RHOG: variants seen among roughly 807,000 people sequenced by gnomAD.
RHOG encodes ras homolog family member G.
A neutral mutation model predicts 12.3 loss-of-function variants in RHOG; 1 was observed. The ratio of observed to expected loss-of-function variants is 0.08; its 90% confidence interval spans 0.03 to 0.39. The LOEUF is 0.39. Among genes scored for constraint, RHOG ranks in the 10% least tolerant of loss-of-function variants. The pLI, the probability that RHOG is intolerant of heterozygous loss-of-function variation, is 0.99. For missense variants in RHOG, 114 were observed against 266.2 expected (o/e 0.43, Z 3.98); for synonymous variants, 129 against 116.0 (o/e 1.11, Z -0.72).
At chr11:3,833,914 T>A (rs1021095830) in intron 1 of RHOG, among the ~76,000 whole-genome samples, 3 of 152,216 alleles carry the variant, frequency 2.0e-5, no homozygotes, top group African/African-American at 7.2e-5. Flanking sequence ...CACAGTTGCA[T>A]AAGGTTACTG....
intron 1 of RHOG, among the ~76,000 whole-genome samples, chr11:3,836,037 C>T (rs1048875701): frequency 4.2e-5 from 6 of 142,704 alleles, no homozygotes; most frequent in Non-Finnish European, 9.2e-5. Context: ...CCCAAGAGAG[C>T]CCAGTTCCTA....
chr11:3,834,737 C>T lies in RHOG; in HGVS notation c.-69+6157G>A, dbSNP rs368988792. Among the ~76,000 whole-genome samples the T allele has an allele frequency of 8.5e-5, 13 of 152,298 alleles. No individual in the cohort carries two copies. The East Asian group carries it at 2.3e-3, about 27-fold the overall frequency. On this transcript the variant is annotated intron_variant, in intron 1 of 1. Transcript: ENST00000351018. ...AAAGGAAGCAGCCTGATTGCCAGAT[C>T]TCTGTGGCTGTTACAGCAGGGGAAG...
rs546801874 is a variant in RHOG, at chr11:3,832,398, C to T, written c.-68-4192G>A. On this transcript the variant is annotated intron_variant, in intron 1 of 1. Coordinates refer to ENST00000351018, the MANE Select transcript of RHOG (RefSeq NM_001665.4). ...CATACAGTCTTCAAGTTACCCCTTA[C>T]CAGCTAACTGTGTGACCTTGATCAG... Among the ~76,000 whole-genome samples, 17 of 152,332 alleles carry T rather than the reference C, an allele frequency of 1.1e-4. No individual in the cohort carries two copies. In the East Asian group the frequency reaches 3.3e-3, roughly 29 times the overall value.
At chr11:3,828,686 T>C (rs553197386) in intron 1 of RHOG, among the ~76,000 whole-genome samples, 157 of 145,518 alleles carry the variant, frequency 1.1e-3, no homozygotes, top group African/African-American at 3.6e-3. Flanking sequence ...TGCAGTGGCG[T>C]CATCTCGGCT....
chr11:3,835,616 T>C (rs927311601), intron 1 of RHOG, among the ~76,000 whole-genome samples: 8 of 152,148 alleles, frequency 5.3e-5, no homozygotes, highest in Non-Finnish European at 1.2e-4. Flanking sequence ...TCATTCACCC[T>C]GAAGAGCCCA....
At chr11:3,839,597 ACG>A (rs1342702290) in intron 1 of RHOG, among the ~76,000 whole-genome samples, 1 of 114,142 alleles carries the variant, frequency 8.8e-6, no homozygotes, top group Non-Finnish European at 1.9e-5. Context: ...GCGAACACAC[ACG>A]CAAACACACA....
intron 1 of RHOG, among the ~76,000 whole-genome samples, chr11:3,829,404 C>T (rs1333020936): frequency 6.6e-6 from 1 of 151,878 alleles, no homozygotes; most frequent in Non-Finnish European, 1.5e-5. Flanking sequence ...GCAGGTGCCA[C>T]TGCATCCGGC....
At position 3,832,605 on chromosome 11, in the gene RHOG, C is replaced by T. The variant is rs1411837681; in HGVS notation, c.-68-4399G>A. Among the ~76,000 whole-genome samples the T allele has an allele frequency of 9.2e-5, 14 of 152,316 alleles. No individual in the cohort carries two copies. In the East Asian group the frequency reaches 2.1e-3, roughly 23 times the overall value. ...GAGCAAAGCCTTTCATCCCAGAAGG[C>T]AGGAAGCACTGAGTATGCCTGTATC... On this transcript the variant is annotated intron_variant, in intron 1 of 1. Transcript: ENST00000351018.
chr11:3,832,028 G>A (rs902710690), intron 1 of RHOG, among the ~76,000 whole-genome samples: 17 of 152,136 alleles, frequency 1.1e-4, no homozygotes, highest in Admixed American at 7.2e-4. Context: ...AACGAGGACC[G>A]ACACTGGAAA....
intron 1 of RHOG, among the ~76,000 whole-genome samples, chr11:3,835,803 G>A (rs981128698): frequency 6.6e-6 from 1 of 152,188 alleles, no homozygotes; most frequent in Non-Finnish European, 1.5e-5. Flanking sequence ...GCAAGGGACA[G>A]GGGCACTGTT....
intron 1 of RHOG, among the ~76,000 whole-genome samples, chr11:3,829,012 C>G (rs1004787483): frequency 6.6e-6 from 1 of 151,810 alleles, no homozygotes; most frequent in African/African-American, 2.4e-5. Flanking sequence ...AAATATGGAC[C>G]CTTTCCACCA....
At chr11:3,840,084 A>C (rs2090181950) in intron 1 of RHOG, among the ~76,000 whole-genome samples, 1 of 152,222 alleles carries the variant, frequency 6.6e-6, no homozygotes, top group African/African-American at 2.4e-5. Flanking sequence ...GAAGAGGAAC[A>C]CTAGGAGATG....
intron 1 of RHOG, among the ~76,000 whole-genome samples, chr11:3,834,669 T>A (rs1407041027): frequency 6.6e-6 from 1 of 152,170 alleles, no homozygotes; most frequent in Admixed American, 6.5e-5. Context: ...CAGTGGGGCC[T>A]GGCCTTGGGG....
intron 1 of RHOG, among the ~76,000 whole-genome samples, chr11:3,836,198 C>T (rs1182578118): frequency 6.6e-6 from 1 of 151,020 alleles, no homozygotes; most frequent in Non-Finnish European, 1.5e-5. Flanking sequence ...ACTAAAAATA[C>T]AAAAATTAGC....
In RHOG at chr11:3,827,165, C is replaced by T. The variant is rs1181024058; in HGVS notation, c.*398G>A. ...AGAGAGCATCTTGGGGGCGCAATTC[C>T]AAGAGCAGCGAGGGCAGAGGTTAGA... On this transcript the variant is annotated 3_prime_UTR_variant, in exon 2 of 2. Coordinates refer to ENST00000351018, the MANE Select transcript of RHOG (RefSeq NM_001665.4). The surrounding 1 kb of genome is among the most constrained non-coding windows in gnomAD (Gnocchi z 7.3). 4 of 207,452 alleles carry T rather than the reference C, an allele frequency of 1.9e-5. No homozygotes were observed. The highest frequency in any genetic ancestry group is 1.0e-4 in the Admixed American group (2 of 19,152). 12.9% of individuals were successfully genotyped at this position (207,452 alleles called of 1,614,324 possible). A position where few individuals can be genotyped will look rare whatever the true frequency, so the allele number is the denominator to read the frequency against.
chr11:3,827,637 C>A lies in RHOG; in HGVS notation c.502G>T (p.Val168Leu). The change falls in exon 2 of 2, where the codon GTG (valine) becomes TTG (leucine). Residue 168 changes from valine (V) to leucine (L), a missense_variant. Physicochemically the swap from Val to Leu is conservative, Grantham distance 32. Around this residue, in one of 2 missense-constraint regions of RHOG, gnomAD observed 61 missense variants for 101.4 expected, o/e 0.60. Transcript: ENST00000351018. This position sits in a 1 kb window ranked among gnomAD's most constrained non-coding sequence, Gnocchi z 7.3. ...SALQQDGVKEVFAEAVRAVLN... is the reference protein window; with the variant it reads ...SALQQDGVKELFAEAVRAVLN... ...ACAGCCCGGACAGCCTCGGCGAACA[C>A]TTCCTTGACACCATCCTGTTGCAGG... The A allele has an allele frequency of 6.2e-7, 1 of 1,613,764 alleles. No homozygotes were observed. Among genetic ancestry groups the A allele is most frequent in the Non-Finnish European group, 8.5e-7 (1 of 1,180,032 alleles).
intron 1 of RHOG, among the ~76,000 whole-genome samples, chr11:3,840,282 C>A (rs1262271186): frequency 6.6e-6 from 1 of 152,066 alleles, no homozygotes; most frequent in African/African-American, 2.4e-5. Context: ...CAGGTAAGGT[C>A]GGGACTCAGG....
rs1181914726 is a variant in RHOG at position 3,840,940 on chromosome 11, T to C, written c.-115A>G. The C allele has an allele frequency of 6.7e-6, 1 of 149,636 alleles. No homozygotes were observed. Among genetic ancestry groups the C allele is most frequent in the African/African-American group, 2.5e-5 (1 of 40,764 alleles). 9.3% of individuals were successfully genotyped at this position (149,636 alleles called of 1,614,324 possible). ...GGGAGCTGGGGGCGGCGGCAGCGGC[T>C]CCGGGCTCGAGAAGGAAGTGAGAGC... On this transcript the variant is annotated 5_prime_UTR_variant, in exon 1 of 2. Coordinates refer to ENST00000351018, the MANE Select transcript of RHOG (RefSeq NM_001665.4).
intron 1 of RHOG, among the ~76,000 whole-genome samples, chr11:3,833,536 T>TG (rs1277305447): frequency 6.6e-6 from 1 of 152,126 alleles, no homozygotes; most frequent in Non-Finnish European, 1.5e-5. Context: ...TGATAAGGGA[T>TG]ATTAGAGTTA....
Sources: gnomAD v4.1 joint callset for allele counts (sites outside exome capture counted in the v4.1 genomes callset) on GRCh38, gnomAD v4.1.1 for gene constraint, gnomAD v4.1.1 regional missense constraint, Gnocchi (gnomAD v3.1) non-coding constraint, MANE v1.5 for transcripts, NCBI Gene and HGNC (gene_info 2026-07-23, HGNC 2026-07-21) for gene names.